LHFPL6: variants seen among roughly 807,000 people sequenced by gnomAD.
The protein encoded by LHFPL6 is LHFPL tetraspan subfamily member 6 protein.
A neutral mutation model predicts 20.6 loss-of-function variants in LHFPL6; 9 were observed. The observed-to-expected ratio is 0.44, with a 90% CI of 0.26 to 0.76. The LOEUF is 0.76. Among genes scored for constraint, LHFPL6 ranks in the 30% least tolerant of loss-of-function variants. The pLI is 0.20. For missense variants in LHFPL6, 218 were observed against 253.5 expected (o/e 0.86, Z 0.95); for synonymous variants, 105 against 98.7 (o/e 1.06, Z -0.38).
At chr13:39,595,723 G>A (rs1277510342) in intron 2 of LHFPL6, among the ~76,000 whole-genome samples, 1 of 152,084 alleles carries the variant, frequency 6.6e-6, no homozygotes, top group Non-Finnish European at 1.5e-5. Context: ...ATGGTCTGTG[G>A]CCCTAAAAAG....
At chr13:39,464,682 T>G (rs1872759175) in intron 2 of LHFPL6, among the ~76,000 whole-genome samples, 1 of 146,440 alleles carries the variant, frequency 6.8e-6, no homozygotes, top group Non-Finnish European at 1.5e-5. Flanking sequence ...ATTTAACTAT[T>G]GGGGGAAAAA....
intron 3 of LHFPL6, among the ~76,000 whole-genome samples, chr13:39,366,768 C>A (rs534947487): frequency 6.6e-6 from 1 of 152,288 alleles, no homozygotes; most frequent in Non-Finnish European, 1.5e-5. Flanking sequence ...TGATGTGAAA[C>A]AGCCCAGATG....
intron 2 of LHFPL6, among the ~76,000 whole-genome samples, chr13:39,437,857 G>A (rs987882749): frequency 8.0e-5 from 12 of 150,532 alleles, no homozygotes; most frequent in Admixed American, 2.0e-4. Context: ...AGCTGGGATT[G>A]CGCCACTGCA....
Position 39,381,073 on chromosome 13 carries a change from C to T in LHFPL6, c.386-2547G>A, listed in dbSNP as rs79871940. 6.9e-3 allele frequency among the ~76,000 whole-genome samples: 1,046 copies of T among 152,218 alleles called. 15 individuals are homozygous for T. The highest frequency in any genetic ancestry group is 0.024 in the African/African-American group (1,008 of 41,534). On this transcript the variant is annotated intron_variant, in intron 2 of 3. Coordinates refer to ENST00000379589, the MANE Select transcript of LHFPL6 (RefSeq NM_005780.3). ...TGTGCTTGAATCATCCTGAAACCACCCTCCTCCACTCAGTCCGTGGAAAAA... is the reference window on the plus strand; with the variant it reads ...TGTGCTTGAATCATCCTGAAACCACTCTCCTCCACTCAGTCCGTGGAAAAA...
chr13:39,449,580 G>A (rs1417598045), intron 2 of LHFPL6, among the ~76,000 whole-genome samples: 1 of 152,130 alleles, frequency 6.6e-6, no homozygotes, highest in African/African-American at 2.4e-5. Flanking sequence ...GATTTAAAAT[G>A]AGCCTAAATT....
At chr13:39,387,772 A>T (rs1002699711) in intron 2 of LHFPL6, among the ~76,000 whole-genome samples, 3 of 152,060 alleles carry the variant, frequency 2.0e-5, no homozygotes, top group Non-Finnish European at 2.9e-5. Context: ...TACTTTCCAT[A>T]GCCACACACA....
At chr13:39,550,726 A>C (rs938679380) in intron 2 of LHFPL6, among the ~76,000 whole-genome samples, 4 of 152,170 alleles carry the variant, frequency 2.6e-5, no homozygotes, top group African/African-American at 9.7e-5. Flanking sequence ...TTTATGAATA[A>C]GAGAAATTCA....
intron 2 of LHFPL6, among the ~76,000 whole-genome samples, chr13:39,460,971 A>G (rs1486501750): frequency 6.6e-6 from 1 of 152,100 alleles, no homozygotes; most frequent in Admixed American, 6.6e-5. Context: ...TAGTTTTTCA[A>G]TCCTCACCCT....
intron 2 of LHFPL6, among the ~76,000 whole-genome samples, chr13:39,390,230 ACT>A (rs368289545): frequency 2.6e-5 from 4 of 151,978 alleles, no homozygotes; most frequent in Admixed American, 6.6e-5. Flanking sequence ...ATTTATATAG[ACT>A]CTGTGTAGTT....
intron 2 of LHFPL6, among the ~76,000 whole-genome samples, chr13:39,586,529 C>A (rs533021745): frequency 6.6e-6 from 1 of 151,950 alleles, no homozygotes; most frequent in South Asian, 2.1e-4. Flanking sequence ...TTTTGAGGAA[C>A]TAGAAAGAAA....
At chr13:39,428,354 T>C (rs942226093) in intron 2 of LHFPL6, among the ~76,000 whole-genome samples, 1 of 152,232 alleles carries the variant, frequency 6.6e-6, no homozygotes, top group African/African-American at 2.4e-5. Context: ...AAGCTTCTTA[T>C]AGAGAAGGTA....
At chr13:39,365,676 A>G (rs1869993145) in intron 3 of LHFPL6, among the ~76,000 whole-genome samples, 1 of 152,216 alleles carries the variant, frequency 6.6e-6, no homozygotes, top group Admixed American at 6.5e-5. Context: ...CAGGCACAAA[A>G]CATCAAACTG....
chr13:39,560,890 C>T (rs1871457904), intron 2 of LHFPL6, among the ~76,000 whole-genome samples: 1 of 152,092 alleles, frequency 6.6e-6, no homozygotes, highest in African/African-American at 2.4e-5. Context: ...TATAACCAGA[C>T]CTCTATGAAA....
At chr13:39,580,133 A>C (rs995452243) in intron 2 of LHFPL6, among the ~76,000 whole-genome samples, 11 of 152,230 alleles carry the variant, frequency 7.2e-5, no homozygotes, top group African/African-American at 1.2e-4. Flanking sequence ...ATAAAAATAC[A>C]AATTTATGAA....
intron 2 of LHFPL6, among the ~76,000 whole-genome samples, chr13:39,433,660 G>A (rs142987901): frequency 6.6e-6 from 1 of 152,260 alleles, no homozygotes; most frequent in African/African-American, 2.4e-5. Context: ...ATATGACACT[G>A]GAAATAATAA....
chr13:39,585,518 T>C (rs991058091), intron 2 of LHFPL6, among the ~76,000 whole-genome samples: 1 of 152,232 alleles, frequency 6.6e-6, no homozygotes, highest in African/African-American at 2.4e-5. Context: ...TAACATAAGC[T>C]GTGAAAGCAA....
intron 2 of LHFPL6, among the ~76,000 whole-genome samples, chr13:39,458,544 A>G (rs1485025787): frequency 6.6e-6 from 1 of 152,092 alleles, no homozygotes; most frequent in Non-Finnish European, 1.5e-5. Flanking sequence ...AAAAAATACA[A>G]AAAAATGAAC....
chr13:39,483,332 G>T (rs1483451890), intron 2 of LHFPL6, among the ~76,000 whole-genome samples: 1 of 152,048 alleles, frequency 6.6e-6, no homozygotes, highest in Non-Finnish European at 1.5e-5. Flanking sequence ...TTGGAGCAAG[G>T]ACTTGAGAAA....
chr13:39,432,341 T>C (rs1320241619), intron 2 of LHFPL6, among the ~76,000 whole-genome samples: 1 of 152,210 alleles, frequency 6.6e-6, no homozygotes, highest in Admixed American at 6.5e-5. Context: ...GCTCAGACTT[T>C]ATAATGGCTT....
Sources: gnomAD v4.1 joint callset for allele counts (sites outside exome capture counted in the v4.1 genomes callset) on GRCh38, gnomAD v4.1.1 for gene constraint, MANE v1.5 for transcripts, NCBI Gene and HGNC (gene_info 2026-07-23, HGNC 2026-07-21) for gene names.